MYO3A: variants seen among roughly 807,000 people sequenced by gnomAD.
MYO3A encodes myosin-IIIa.
In MYO3A, 180 loss-of-function variants were observed where a neutral mutation model predicts 192.7. The observed-to-expected ratio is 0.93, with a 90% CI of 0.83 to 1.06. The LOEUF (loss-of-function observed/expected upper bound fraction) is 1.06, where lower values mean the gene tolerates loss of function less well. MYO3A is among the 50% of genes least tolerant of loss of function. MYO3A has a pLI of 0.00. For missense variants in MYO3A, 1,896 were observed against 1,905.0 expected, an observed-to-expected ratio of 1.00 and a Z score of 0.09; for synonymous variants, 628 against 645.3, an observed-to-expected ratio of 0.97 and a Z score of 0.41.
In MYO3A at chr10:26,157,394, G is replaced by A; in HGVS notation, c.2878G>A (p.Ala960Thr). 6.2e-7 allele frequency: 1 copy of A among 1,614,108 alleles called. No individual in the cohort carries two copies. The highest frequency in any genetic ancestry group is 2.2e-5 in the East Asian group (1 of 44,870). ...RCIKPNSERQ[A>T]RKYDKEKVLL... ...CATCAAACCAAATAGTGAGCGTCAG[G>A]CAAGAAAATATGACAAAGAGAAAGT... The change falls in exon 26 of 35, where the codon GCA becomes ACA. Residue 960 changes from alanine (A) to threonine (T), a missense_variant. Transcript: ENST00000642920.
chr10:26,189,106 A>G (rs1051322994), intron 31 of MYO3A, among the ~76,000 whole-genome samples: 1 of 152,242 alleles, frequency 6.6e-6, no homozygotes. Context: ...GATACAAACA[A>G]ATGGAAGAAC....
At chr10:26,006,861 A>T (rs1236776583) in intron 6 of MYO3A, among the ~76,000 whole-genome samples, 1 of 151,536 alleles carries the variant, frequency 6.6e-6, no homozygotes, top group East Asian at 1.9e-4. Flanking sequence ...AAAAGAGGGA[A>T]TCCTCCCTAA....
intron 10 of MYO3A, among the ~76,000 whole-genome samples, chr10:26,032,591 G>A (rs1415090082): frequency 3.3e-5 from 5 of 151,838 alleles, no homozygotes; most frequent in South Asian, 2.1e-4. Context: ...ACTCCAGCCC[G>A]GGCGACAGTG....
intron 4 of MYO3A, among the ~76,000 whole-genome samples, chr10:25,958,570 C>G (rs1225440794): frequency 1.3e-5 from 2 of 151,964 alleles, no homozygotes; most frequent in Non-Finnish European, 2.9e-5. Flanking sequence ...CTTGGCTATT[C>G]AGGTTCCTTT....
At chr10:26,151,731 T>G (rs1180659059) in intron 23 of MYO3A, among the ~76,000 whole-genome samples, 1 of 152,200 alleles carries the variant, frequency 6.6e-6, no homozygotes, top group Non-Finnish European at 1.5e-5. Flanking sequence ...CTGTTGGTTA[T>G]ATTGGCTTAT....
chr10:26,068,891 C>T lies in MYO3A; in HGVS notation c.1170+7C>T, dbSNP rs3817419. 788,568 of 1,519,798 alleles carry T rather than the reference C, an allele frequency of 0.52. 209,500 individuals carry two copies. Among genetic ancestry groups the T allele is most frequent in the Middle Eastern group, 0.56 (3,278 of 5,856 alleles). The allele number at this position is 1,519,798 out of a possible 1,614,324, so 94.1% of individuals were successfully genotyped here. On this transcript the variant is annotated splice_region_variant and intron_variant, in intron 12 of 34. Coordinates refer to ENST00000642920, the MANE Select transcript of MYO3A (RefSeq NM_017433.5). The stretch of plus-strand genomic sequence containing the variant: ...GGGTCTTTACTCCACAAAGGTATGT[C>T]GTATGGGGTGCATTCTGTTACTTCA...
intron 26 of MYO3A, among the ~76,000 whole-genome samples, chr10:26,159,537 G>A (rs959948569): frequency 1.3e-5 from 2 of 150,298 alleles, no homozygotes; most frequent in Non-Finnish European, 3.0e-5. Flanking sequence ...CCACCACCAC[G>A]CCCGGCTAAT....
chr10:26,204,819 A>G (rs951720874), intron 34 of MYO3A, among the ~76,000 whole-genome samples: 3 of 152,362 alleles, frequency 2.0e-5, no homozygotes, highest in East Asian at 1.9e-4. Flanking sequence ...CTGAAGGAAA[A>G]GTATACCCAT....
chr10:26,145,179 CAAAAAAAA>C (rs10715590), intron 21 of MYO3A, among the ~76,000 whole-genome samples: 39 of 94,416 alleles, frequency 4.1e-4, no homozygotes, highest in South Asian at 2.0e-3. Context: ...AACTCTGTCT[CAAAAAAAA>C]AAAAAAAAAA....
chr10:26,105,948 A>C (rs1224731761), intron 17 of MYO3A, among the ~76,000 whole-genome samples: 1 of 152,016 alleles, frequency 6.6e-6, no homozygotes, highest in African/African-American at 2.4e-5. Flanking sequence ...ATGACATATA[A>C]TCTATTTTTG....
chr10:25,993,480 C>G (rs1252571787), intron 4 of MYO3A, among the ~76,000 whole-genome samples: 1 of 152,118 alleles, frequency 6.6e-6, no homozygotes, highest in African/African-American at 2.4e-5. Flanking sequence ...GATTCATTGA[C>G]TTTTTGAAGG....
intron 4 of MYO3A, among the ~76,000 whole-genome samples, chr10:25,992,983 T>G (rs1428459384): frequency 6.6e-6 from 1 of 152,208 alleles, no homozygotes; most frequent in Non-Finnish European, 1.5e-5. Flanking sequence ...TTTTGTTGCA[T>G]CTCTGCCAGG....
intron 32 of MYO3A, among the ~76,000 whole-genome samples, chr10:26,194,327 G>A (rs570791019): frequency 1.3e-5 from 2 of 151,914 alleles, no homozygotes; most frequent in African/African-American, 2.4e-5. Flanking sequence ...GGCCTTCTTC[G>A]TGGGACCCGT....
At chr10:26,195,955 T>C (rs1843387413) in intron 32 of MYO3A, among the ~76,000 whole-genome samples, 1 of 151,954 alleles carries the variant, frequency 6.6e-6, no homozygotes, top group African/African-American at 2.4e-5. Flanking sequence ...TAAATATGTG[T>C]TGTACAAATG....
intron 31 of MYO3A, among the ~76,000 whole-genome samples, chr10:26,182,352 C>T (rs1457741402): frequency 6.6e-6 from 1 of 152,202 alleles, no homozygotes; most frequent in Admixed American, 6.5e-5. Flanking sequence ...TTCTTTGATA[C>T]TCCTCCAGCC....
At chr10:26,089,898 G>T (rs1470319535) in intron 15 of MYO3A, among the ~76,000 whole-genome samples, 1 of 152,180 alleles carries the variant, frequency 6.6e-6, no homozygotes, top group Non-Finnish European at 1.5e-5. Flanking sequence ...TAAGCCATTA[G>T]TAGTAATAGT....
At chr10:26,159,624 C>T (rs549081546) in intron 26 of MYO3A, among the ~76,000 whole-genome samples, 1 of 152,276 alleles carries the variant, frequency 6.6e-6, no homozygotes, top group African/African-American at 2.4e-5. Context: ...CGTGATCCGC[C>T]AGCCTCGGCC....
At chr10:26,187,364 T>C (rs1387181238) in intron 31 of MYO3A, among the ~76,000 whole-genome samples, 1 of 152,204 alleles carries the variant, frequency 6.6e-6, no homozygotes, top group African/African-American at 2.4e-5. Context: ...AGAAACTTAC[T>C]TTCTCACAGT....
At chr10:26,005,934 A>C (rs1170787861) in intron 6 of MYO3A, among the ~76,000 whole-genome samples, 1 of 152,106 alleles carries the variant, frequency 6.6e-6, no homozygotes, top group Admixed American at 6.6e-5. Flanking sequence ...GGTCTTTATA[A>C]TTATTATGTA....
Sources: allele counts gnomAD v4.1 joint callset (sites outside exome capture counted in the v4.1 genomes callset), GRCh38; gene constraint gnomAD v4.1.1; transcripts MANE v1.5; gene names NCBI Gene and HGNC (gene_info 2026-07-23, HGNC 2026-07-21).